Variants in ARHGAP11B observed in about 807,000 individuals in gnomAD.
ARHGAP11B encodes the protein inactive Rho GTPase-activating protein 11B.
In ARHGAP11B, 14 loss-of-function variants were observed where a neutral mutation model predicts 27.6. The ratio of observed to expected loss-of-function variants is 0.51; its 90% CI spans 0.34 to 0.79. ARHGAP11B has a LOEUF of 0.79. Among genes scored for constraint, ARHGAP11B ranks in the 30% least tolerant of loss-of-function variants. The pLI, the probability that ARHGAP11B is intolerant of heterozygous loss-of-function variation, is 0.02. For missense variants in ARHGAP11B, 245 were observed against 320.1 expected (o/e 0.77, Z 1.79); for synonymous variants, 82 against 114.1 (o/e 0.72, Z 1.80).
intron 8 of ARHGAP11B, among the ~76,000 whole-genome samples, chr15:30,645,435 G>C: frequency 6.6e-6 from 1 of 151,918 alleles, no homozygotes; most frequent in East Asian, 1.9e-4. Context: ...AAAGACCAAA[G>C]TGAAGCAAAA....
chr15:30,630,442 G>A (rs2060237232), intron 1 of ARHGAP11B, among the ~76,000 whole-genome samples: 1 of 151,790 alleles, frequency 6.6e-6, no homozygotes, highest in Admixed American at 6.6e-5. Context: ...TGATCAGATT[G>A]GAAACTTGAG....
chr15:30,648,384 A>G (rs2060364843), exon 11 of ARHGAP11B, among the ~76,000 whole-genome samples: 1 of 151,966 alleles, frequency 6.6e-6, no homozygotes, highest in Non-Finnish European at 1.5e-5. Flanking sequence ...ACTTGGCCAA[A>G]TGATTATCTT....
At chr15:30,642,393 G>A (rs1321590520) in intron 7 of ARHGAP11B, among the ~76,000 whole-genome samples, 2 of 151,798 alleles carry the variant, frequency 1.3e-5, no homozygotes, top group African/African-American at 4.8e-5. Context: ...GTAATTATTT[G>A]CATGGAACAC....
chr15:30,646,540 A>G (rs550759231), intron 9 of ARHGAP11B, among the ~76,000 whole-genome samples: 8 of 152,020 alleles, frequency 5.3e-5, no homozygotes, highest in African/African-American at 1.9e-4. Context: ...AACTTGTAAG[A>G]TTTTAAAAAA....
At chr15:30,637,691 G>A (rs1284168438) in intron 6 of ARHGAP11B, among the ~76,000 whole-genome samples, 1 of 151,822 alleles carries the variant, frequency 6.6e-6, no homozygotes, top group East Asian at 2.0e-4. Flanking sequence ...CTGAGATCGG[G>A]CCACTGCACT....
intron 4 of ARHGAP11B, 104 bp from the exon 5 acceptor site, chr15:30,634,976 T>G: frequency 2.3e-6 from 3 of 1,304,656 alleles, no homozygotes; most frequent in Non-Finnish European, 3.3e-6. Flanking sequence ...TTTTGACTTG[T>G]GTATGACTGA....
intron 2 of ARHGAP11B, among the ~76,000 whole-genome samples, chr15:30,631,819 T>C (rs2060247844): frequency 6.7e-6 from 1 of 148,218 alleles, no homozygotes; most frequent in Admixed American, 6.8e-5. Flanking sequence ...AGAGTTTCGC[T>C]CTTGTCGCCC....
intron 8 of ARHGAP11B, chr15:30,644,848 G>A: frequency 1.3e-6 from 1 of 788,844 alleles, no homozygotes; most frequent in South Asian, 1.6e-5. Context: ...TCAGTGTTAT[G>A]TGAATTGTAA....
exon 1 of ARHGAP11B, chr15:30,626,484 A>G (rs933553936): frequency 9.2e-6 from 3 of 326,464 alleles, no homozygotes; most frequent in African/African-American, 6.3e-5. Flanking sequence ...AAGTGGAGAG[A>G]ATCTGGCAAT....
intron 1 of ARHGAP11B, among the ~76,000 whole-genome samples, chr15:30,629,008 A>G (rs1262588007): frequency 6.6e-6 from 1 of 152,078 alleles, no homozygotes; most frequent in East Asian, 1.9e-4. Context: ...TTTACCCAAT[A>G]AAGGGGTTGC....
In ARHGAP11B at chr15:30,630,621, A is replaced by C. The variant is rs1370929733; in HGVS notation, c.130-82A>C. 12 of 1,561,846 alleles carry C rather than the reference A, an allele frequency of 7.7e-6. 1 individual carries two copies. The highest frequency in any genetic ancestry group is 1.9e-5 in the Admixed American group (1 of 51,372). On this transcript the variant is annotated intron_variant, in intron 1 of 10. Transcript: ENST00000428041. ...ATTTCTGATTTTTTTTAATTTCCTG[A>C]GTTCTTTAATTTGCCTAAAGTTTAA...
At chr15:30,637,293 A>G (rs1244176027) in intron 6 of ARHGAP11B, among the ~76,000 whole-genome samples, 6 of 151,936 alleles carry the variant, frequency 3.9e-5, no homozygotes, top group Admixed American at 3.3e-4. Context: ...GTTCTGTGTG[A>G]ATTCCATTTT....
At position 30,644,380 on chromosome 15, in the gene ARHGAP11B, A is replaced by C. The variant is rs188846209; in HGVS notation, c.*79-259A>C. Reference sequence around the variant, plus strand: ...TTCTAATTAGAGGTAAATTATCTAAAGAGTAAGCCAAGATAGGGGTGAATT... The same window carrying C: ...TTCTAATTAGAGGTAAATTATCTAACGAGTAAGCCAAGATAGGGGTGAATT... On this transcript the variant is annotated intron_variant, in intron 7 of 10. Transcript: ENST00000428041. Among the ~76,000 whole-genome samples, 13 of 152,218 alleles carry C rather than the reference A, an allele frequency of 8.5e-5. 1 individual carries two copies. The highest frequency in any genetic ancestry group is 6.5e-4 in the Admixed American group (10 of 15,268).
chr15:30,630,919 A>G, intron 2 of ARHGAP11B, 146 bp downstream of exon 2: 1 of 1,436,180 alleles, frequency 7.0e-7, no homozygotes, highest in Non-Finnish European at 9.3e-7. Flanking sequence ...GTCGCAAAAG[A>G]TAGAAAAATT....
At chr15:30,644,474 T>A (rs1386940924) in intron 7 of ARHGAP11B, among the ~76,000 whole-genome samples, 1 of 152,058 alleles carries the variant, frequency 6.6e-6, no homozygotes, top group Admixed American at 6.6e-5. Flanking sequence ...TTATCTATAT[T>A]TGTATGTTTT....
intron 7 of ARHGAP11B, among the ~76,000 whole-genome samples, chr15:30,640,013 T>TG (rs1555524490): frequency 2.7e-5 from 4 of 146,448 alleles, no homozygotes; most frequent in African/African-American, 7.5e-5. Context: ...TGTGTGTGTG[T>TG]TATGACAACA....
At chr15:30,627,745 C>T (rs964338552) in intron 1 of ARHGAP11B, among the ~76,000 whole-genome samples, 1 of 151,782 alleles carries the variant, frequency 6.6e-6, no homozygotes, top group African/African-American at 2.4e-5. Flanking sequence ...AATTTATGTG[C>T]CTAATTTATA....
rs543463558 is a variant in ARHGAP11B, at chr15:30,636,317, G to A, written c.*3+684G>A. The stretch of plus-strand genomic sequence containing the variant: ...ACATGGATTAGTTAGTTAGGAGTAC[G>A]AACTAAATAATGAAGGAAATATTAT... On this transcript the variant is annotated intron_variant, in intron 6 of 10. Coordinates refer to ENST00000428041, the Ensembl canonical transcript of ARHGAP11B. Among the ~76,000 whole-genome samples the A allele has an allele frequency of 1.2e-4, 18 of 151,942 alleles. No homozygotes were observed. The South Asian group carries it at 3.3e-3, about 28-fold the overall frequency.
exon 9 of ARHGAP11B, chr15:30,646,169 G>A: frequency 9.4e-7 from 1 of 1,069,116 alleles, no homozygotes; most frequent in Non-Finnish European, 1.1e-6. Flanking sequence ...TGTAACAAGT[G>A]TGCTCGCAGA....
Sources: allele counts gnomAD v4.1 joint callset (sites outside exome capture counted in the v4.1 genomes callset), GRCh38; gene constraint gnomAD v4.1.1; transcripts MANE v1.5; gene names NCBI Gene and HGNC (gene_info 2026-07-23, HGNC 2026-07-21).